HSP90AA1: variants seen among roughly 807,000 people sequenced by gnomAD.
The protein encoded by HSP90AA1 is heat shock protein 90 alpha family class A member 1, also known as heat shock protein HSP 90-alpha.
A neutral mutation model predicts 73.3 loss-of-function variants in HSP90AA1; 18 were observed. The ratio of observed to expected loss-of-function variants is 0.25; its 90% confidence interval spans 0.17 to 0.36. The LOEUF is 0.36. Ranked by LOEUF, HSP90AA1 falls within the 10% of genes least tolerant of loss-of-function variation. The pLI is 1.00. For missense variants in HSP90AA1, 704 were observed against 874.2 expected (o/e 0.81, Z 2.45); for synonymous variants, 477 against 296.9 (o/e 1.61, Z -6.24).
chr14:102,102,489 C>A (rs1230320169), intron 1 of HSP90AA1, among the ~76,000 whole-genome samples: 1 of 152,180 alleles, frequency 6.6e-6, no homozygotes, highest in Non-Finnish European at 1.5e-5. Flanking sequence ...GTCTGGAATT[C>A]TGGTTGGGTT....
At chr14:102,084,634 AAG>A (rs1338929027) in intron 5 of HSP90AA1, 45 bp downstream of exon 5, 2 of 1,614,174 alleles carry the variant, frequency 1.2e-6, no homozygotes, top group South Asian at 2.2e-5. Flanking sequence ...GTGGTGGAGA[AAG>A]ATGATAATCT....
At chr14:102,121,138 T>C (rs2049774000) in intron 1 of HSP90AA1, among the ~76,000 whole-genome samples, 1 of 152,010 alleles carries the variant, frequency 6.6e-6, no homozygotes, top group Admixed American at 6.6e-5. Flanking sequence ...GCTTAAATGA[T>C]TGATGCTCCT....
At chr14:102,108,638 C>T (rs890672647) in intron 1 of HSP90AA1, among the ~76,000 whole-genome samples, 14 of 148,858 alleles carry the variant, frequency 9.4e-5, no homozygotes, top group Admixed American at 3.4e-4. Flanking sequence ...TGGGTTTGAG[C>T]GATTCTCCTG....
chr14:102,082,552 T>C lies in HSP90AA1; in HGVS notation c.1756-108A>G, dbSNP rs576186701. On this transcript the variant is annotated intron_variant, in intron 9 of 10. Transcript: ENST00000216281. ...ATTTCAATAGATCCAAAATACTATC[T>C]ACTGTCAAATACAACTTAAATGTCG... 53 of 782,474 alleles carry C rather than the reference T, an allele frequency of 6.8e-5. No homozygotes were observed. In the African/African-American group the frequency reaches 8.1e-4, roughly 12 times the overall value. The allele number at this position is 782,474 out of a possible 1,614,324, so 48.5% of individuals were successfully genotyped here. A position where few individuals can be genotyped will look rare whatever the true frequency, so the allele number is the denominator to read the frequency against.
rs1383225430 is a variant in HSP90AA1, at chr14:102,084,974, CTTCT to C, written c.684_687del (p.Glu229Ter). On this transcript the variant is annotated frameshift_variant, in exon 5 of 11. Transcript: ENST00000216281. LOFTEE classifies it high-confidence loss of function. ...TTTTCTTCAGCCTCATCATCGCTTA[CTTCT>C]TTATCACGTTCCTTCTCCACCTTCA... The C allele has an allele frequency of 3.7e-6, 6 of 1,612,672 alleles. No individual in the cohort carries two copies. Among genetic ancestry groups the C allele is most frequent in the Admixed American group, 1.7e-5 (1 of 60,006 alleles).
chr14:102,102,034 A>G, exon 2 of HSP90AA1: 3 of 1,614,122 alleles, frequency 1.9e-6, no homozygotes, highest in Non-Finnish European at 2.5e-6. Flanking sequence ...ACACCATCAG[A>G]TGCCAGAGAA....
At chr14:102,086,520 A>G in intron 1 of HSP90AA1, 142 bp from the exon 2 acceptor site, 1 of 945,246 alleles carries the variant, frequency 1.1e-6, no homozygotes, top group Non-Finnish European at 1.7e-6. Flanking sequence ...AGGGCGGCTG[A>G]CAAAGGATGA....
chr14:102,091,260 G>A (rs531238671), upstream of HSP90AA1, among the ~76,000 whole-genome samples: 2 of 152,008 alleles, frequency 1.3e-5, no homozygotes, highest in Non-Finnish European at 2.9e-5. Context: ...CTTTACTCAG[G>A]GTCACCCAGA....
chr14:102,129,036 T>A (rs1463856426), intron 1 of HSP90AA1, among the ~76,000 whole-genome samples: 1 of 152,202 alleles, frequency 6.6e-6, no homozygotes, highest in South Asian at 2.1e-4. Flanking sequence ...ATTTACCAGG[T>A]ACAGTTCAAA....
intron 1 of HSP90AA1, among the ~76,000 whole-genome samples, chr14:102,124,970 T>C (rs1254712347): frequency 6.6e-6 from 1 of 151,966 alleles, no homozygotes; most frequent in Non-Finnish European, 1.5e-5. Flanking sequence ...AAAAGAAAAA[T>C]CATTCAGTGC....
At chr14:102,132,987 C>T (rs948750780) in intron 1 of HSP90AA1, among the ~76,000 whole-genome samples, 2 of 144,170 alleles carry the variant, frequency 1.4e-5, no homozygotes, top group Non-Finnish European at 3.0e-5. Context: ...AGGGAGCCGG[C>T]GGTGGGGGCG....
At chr14:102,087,603 C>T (rs556524383), upstream of HSP90AA1, among the ~76,000 whole-genome samples, 3 of 152,300 alleles carry the variant, frequency 2.0e-5, no homozygotes, top group South Asian at 6.2e-4. Flanking sequence ...AATCCAGCCG[C>T]AAGCGGCGCC....
At chr14:102,095,980 A>G (rs1197678948) in intron 2 of HSP90AA1, among the ~76,000 whole-genome samples, 1 of 151,980 alleles carries the variant, frequency 6.6e-6, no homozygotes, top group African/African-American at 2.4e-5. Context: ...GGCCTGGCTG[A>G]CCCCACCTCT....
rs760573190 is a variant in HSP90AA1, at chr14:102,085,004, A to G, written c.664-6T>C. ...TTATCACGTTCCTTCTCCACCTTCA[A>G]AAGAAAACACGAAATCACATCACTG... On this transcript the variant is annotated splice_region_variant and splice_polypyrimidine_tract_variant and intron_variant, in intron 4 of 10. Transcript: ENST00000216281. 2.2e-5 allele frequency: 36 copies of G among 1,613,768 alleles called. No individual in the cohort carries two copies. The highest frequency in any genetic ancestry group is 2.8e-5 in the Non-Finnish European group (33 of 1,179,906).
chr14:102,114,891 T>C (rs543723736), intron 1 of HSP90AA1, among the ~76,000 whole-genome samples: 11 of 151,960 alleles, frequency 7.2e-5, no homozygotes, highest in African/African-American at 2.2e-4. Flanking sequence ...TCCCAGCACT[T>C]TGGGAGGCTG....
chr14:102,133,586 T>C (rs1337256258), intron 1 of HSP90AA1, among the ~76,000 whole-genome samples: 7 of 150,250 alleles, frequency 4.7e-5, no homozygotes, highest in African/African-American at 1.5e-4. Context: ...CAGGTTCAAG[T>C]GATTCTCCTG....
At chr14:102,127,899 G>A (rs757239581) in intron 1 of HSP90AA1, among the ~76,000 whole-genome samples, 2 of 151,928 alleles carry the variant, frequency 1.3e-5, no homozygotes, top group South Asian at 2.1e-4. Flanking sequence ...CTCTTGCCTC[G>A]GCCTCCCAAA....
chr14:102,139,734 G>T, upstream of HSP90AA1: 3 of 853,674 alleles, frequency 3.5e-6, no homozygotes, highest in Non-Finnish European at 5.3e-6. Context: ...CGCCAGGTGA[G>T]CACGCCTGCG....
chr14:102,130,899 T>G (rs1426509539), intron 1 of HSP90AA1, among the ~76,000 whole-genome samples: 1 of 151,990 alleles, frequency 6.6e-6, no homozygotes, highest in African/African-American at 2.4e-5. Flanking sequence ...AAATTTTTTT[T>G]GTAGAGACAA....
Sources: allele counts gnomAD v4.1 joint callset (sites outside exome capture counted in the v4.1 genomes callset), GRCh38; gene constraint gnomAD v4.1.1; transcripts MANE v1.5; gene names NCBI Gene and HGNC (gene_info 2026-07-23, HGNC 2026-07-21).